Variants in RARB observed in about 807,000 individuals in gnomAD.
The protein encoded by RARB is HBV-activated protein.
Under a neutral mutation model 51.9 loss-of-function variants are expected in RARB, and 17 were observed. The observed-to-expected ratio is 0.33, with a 90% CI of 0.22 to 0.49. The LOEUF (loss-of-function observed/expected upper bound fraction) is 0.49. Among genes scored for constraint, RARB ranks in the 20% least tolerant of loss-of-function variants. The pLI, the probability that RARB is intolerant of heterozygous loss-of-function variation, is 0.99. For missense variants in RARB, 369 were observed against 550.8 expected, an observed-to-expected ratio of 0.67 and a Z score of 3.30; for synonymous variants, 215 against 195.4, an observed-to-expected ratio of 1.10 and a Z score of -0.84.
intron 3 of RARB, among the ~76,000 whole-genome samples, chr3:25,079,414 G>C (rs994035276): frequency 2.6e-5 from 4 of 152,124 alleles, no homozygotes; most frequent in African/African-American, 4.8e-5. Flanking sequence ...TTGAATAGAA[G>C]TGGTGAAAGT....
intron 2 of RARB, among the ~76,000 whole-genome samples, chr3:25,001,300 G>A (rs370098534): frequency 6.6e-6 from 1 of 152,146 alleles, no homozygotes; most frequent in Non-Finnish European, 1.5e-5. Flanking sequence ...TGCCAAGCAT[G>A]AGAACATTTC....
chr3:24,983,762 A>G lies in RARB; in HGVS notation c.-379-76363A>G, dbSNP rs144491212. ...TCTGCTTCTCCTCTATGACCTCAGC[A>G]TCATGGGTAAATCATAATATGTGGA... is the stretch of plus-strand genomic sequence containing the variant. On this transcript the variant is annotated intron_variant, in intron 2 of 11. Coordinates refer to the RARB transcript ENST00000383772. 1.2e-4 allele frequency among the ~76,000 whole-genome samples: 18 copies of G among 152,308 alleles called. No homozygotes were observed. In the Middle Eastern group the frequency reaches 0.014, roughly 115 times the overall value.
chr3:25,144,014 C>G (rs970348042), intron 4 of RARB, among the ~76,000 whole-genome samples: 2 of 152,150 alleles, frequency 1.3e-5, no homozygotes, highest in African/African-American at 2.4e-5. Context: ...TTGCCAGAGT[C>G]AAAGGCCCCA....
chr3:24,937,651 C>T (rs2363530), intron 2 of RARB, among the ~76,000 whole-genome samples: 93,414 of 151,966 alleles, frequency 0.61, 30,954 homozygotes, highest in African/African-American at 0.87. Flanking sequence ...AAGGAAACTT[C>T]AGAACCGTTC....
At chr3:25,145,653 C>T (rs1419878582) in intron 4 of RARB, among the ~76,000 whole-genome samples, 2 of 152,002 alleles carry the variant, frequency 1.3e-5, no homozygotes, top group African/African-American at 4.8e-5. Context: ...ATATGTCTGT[C>T]CTCCTGACTT....
chr3:25,090,319 C>G lies in RARB; in HGVS notation c.-328+30143C>G, dbSNP rs554083793. The stretch of plus-strand genomic sequence containing the variant: ...TAATATTGTCTATTCTTAAGCCTCT[C>G]TATGCTTCTGGTGTTCGTTCTTTTT... On this transcript the variant is annotated intron_variant, in intron 3 of 11. Transcript: ENST00000383772. Among the ~76,000 whole-genome samples the G allele has an allele frequency of 9.9e-5, 15 of 152,254 alleles. No individual in the cohort carries two copies. The South Asian group carries it at 3.1e-3, about 32-fold the overall frequency.
chr3:25,554,134 T>C (rs1699954049), intron 3 of RARB, among the ~76,000 whole-genome samples: 2 of 150,368 alleles, frequency 1.3e-5, no homozygotes, highest in Non-Finnish European at 3.0e-5. Flanking sequence ...GGGGAGGGGA[T>C]TTCCCGAGAG....
At chr3:25,073,680 G>A (rs1212565260) in intron 3 of RARB, among the ~76,000 whole-genome samples, 3 of 152,168 alleles carry the variant, frequency 2.0e-5, no homozygotes, top group African/African-American at 4.8e-5. Context: ...AATAATGTGC[G>A]TGTAATTCCT....
intron 4 of RARB, among the ~76,000 whole-genome samples, chr3:25,152,388 T>C (rs1208291162): frequency 4.6e-5 from 7 of 152,212 alleles, no homozygotes; most frequent in African/African-American, 1.7e-4. Flanking sequence ...AGTTGGTACT[T>C]TCTGTTCTTC....
intron 3 of RARB, among the ~76,000 whole-genome samples, chr3:25,115,804 T>C (rs1270269576): frequency 6.6e-6 from 1 of 151,976 alleles, no homozygotes; most frequent in Non-Finnish European, 1.5e-5. Flanking sequence ...TTTTTAATTT[T>C]TATTTTTGTA....
chr3:25,507,562 T>G (rs1697672399), intron 3 of RARB, among the ~76,000 whole-genome samples: 1 of 152,170 alleles, frequency 6.6e-6, no homozygotes, highest in African/African-American at 2.4e-5. Flanking sequence ...CCAGAAGACA[T>G]TAGATCTTCT....
At chr3:25,298,239 G>A (rs1703963292) in intron 5 of RARB, among the ~76,000 whole-genome samples, 2 of 150,048 alleles carry the variant, frequency 1.3e-5, no homozygotes, top group South Asian at 4.2e-4. Context: ...CTGAAGTGCA[G>A]TGGTGCGATC....
chr3:24,976,426 C>G (rs564655105), intron 2 of RARB, among the ~76,000 whole-genome samples: 1 of 152,172 alleles, frequency 6.6e-6, no homozygotes, highest in Non-Finnish European at 1.5e-5. Flanking sequence ...TCCTCTCCAG[C>G]GTCTGTTGTT....
intron 2 of RARB, among the ~76,000 whole-genome samples, chr3:25,029,583 C>T (rs1339962738): frequency 1.3e-5 from 2 of 152,164 alleles, no homozygotes; most frequent in African/African-American, 4.8e-5. Flanking sequence ...TTCAAATGTG[C>T]GGTCAGTGGG....
chr3:25,301,464 C>T (rs1704036504), intron 5 of RARB, among the ~76,000 whole-genome samples: 1 of 152,240 alleles, frequency 6.6e-6, no homozygotes, highest in South Asian at 2.1e-4. Flanking sequence ...GCTACCTTCT[C>T]GTTATAACCA....
At chr3:24,865,760 A>G (rs1484109363) in intron 2 of RARB, among the ~76,000 whole-genome samples, 4 of 152,222 alleles carry the variant, frequency 2.6e-5, no homozygotes. Flanking sequence ...GATGTGACAC[A>G]TCACTGTGGT....
chr3:25,027,995 T>C (rs569147294), intron 2 of RARB, among the ~76,000 whole-genome samples: 2 of 152,286 alleles, frequency 1.3e-5, no homozygotes, highest in East Asian at 3.9e-4. Context: ...CAAACCCTTC[T>C]GTAAATATGC....
At chr3:24,898,519 T>C (rs78028828) in intron 2 of RARB, among the ~76,000 whole-genome samples, 3,782 of 152,200 alleles carry the variant, frequency 0.025, 75 homozygotes, top group Non-Finnish European at 0.039. Context: ...AGTATAATTA[T>C]AGCAATGTTT....
chr3:25,509,654 G>A (rs1697791286), intron 3 of RARB, among the ~76,000 whole-genome samples: 1 of 152,158 alleles, frequency 6.6e-6, no homozygotes, highest in Non-Finnish European at 1.5e-5. Flanking sequence ...ATCAGAGAAT[G>A]GGAGAGTATC....
Sources: gnomAD v4.1 joint callset for allele counts (sites outside exome capture counted in the v4.1 genomes callset) on GRCh38, gnomAD v4.1.1 for gene constraint, MANE v1.5 for transcripts, NCBI Gene and HGNC (gene_info 2026-07-23, HGNC 2026-07-21) for gene names.